The following CADM2 variants were observed in gnomAD, a reference collection of about 807,000 sequenced individuals.
CADM2 encodes cell adhesion molecule 2.
Under a neutral mutation model 49.8 loss-of-function variants are expected in CADM2, and 12 were observed. The ratio of observed to expected loss-of-function variants is 0.24; its 90% CI spans 0.15 to 0.39. The LOEUF is 0.39. CADM2 is among the 10% of genes least tolerant of loss of function. The pLI, the probability that CADM2 is intolerant of heterozygous loss-of-function variation, is 1.00. For missense variants in CADM2, 378 were observed against 492.3 expected, an observed-to-expected ratio of 0.77 and a Z score of 2.20; for synonymous variants, 214 against 175.4, an observed-to-expected ratio of 1.22 and a Z score of -1.74.
In CADM2 at chr3:85,295,637, G is replaced by A. The variant is rs56096812; in HGVS notation, c.61+335969G>A. ...TAAAAATGATGAGTTCATGTCCTTTGTAGGGACATGGATGAAATTGGAAAT... is the reference window on the plus strand; with the variant it reads ...TAAAAATGATGAGTTCATGTCCTTTATAGGGACATGGATGAAATTGGAAAT... On this transcript the variant is annotated intron_variant, in intron 1 of 9. Coordinates refer to ENST00000383699, the MANE Select transcript of CADM2 (RefSeq NM_001167675.2). Among the ~76,000 whole-genome samples, 714 of 152,208 alleles carry A rather than the reference G, an allele frequency of 4.7e-3. 4 individuals are homozygous for A. The highest frequency in any genetic ancestry group is 0.027 in the Middle Eastern group (8 of 294).
intron 8 of CADM2, among the ~76,000 whole-genome samples, chr3:86,021,957 C>T (rs1438393568): frequency 6.6e-6 from 1 of 152,004 alleles, no homozygotes; most frequent in South Asian, 2.1e-4. Context: ...GGGATTCATG[C>T]TAAATGAGTA....
intron 1 of CADM2, among the ~76,000 whole-genome samples, chr3:85,603,072 C>G (rs930417460): frequency 1.3e-5 from 2 of 151,800 alleles, no homozygotes; most frequent in Non-Finnish European, 2.9e-5. Context: ...GTGTTCATGT[C>G]CCTTTCTCTA....
intron 1 of CADM2, among the ~76,000 whole-genome samples, chr3:85,553,597 G>A (rs977150773): frequency 1.3e-5 from 2 of 152,118 alleles, no homozygotes; most frequent in African/African-American, 2.4e-5. Flanking sequence ...CTACAGAGCC[G>A]TGGTCCTCAA....
At chr3:85,656,609 C>A (rs969947689) in intron 1 of CADM2, among the ~76,000 whole-genome samples, 1 of 151,854 alleles carries the variant, frequency 6.6e-6, no homozygotes, top group Non-Finnish European at 1.5e-5. Flanking sequence ...GGGCGAGATT[C>A]CATCTCCAAA....
At chr3:85,882,516 T>C (rs923326936) in intron 3 of CADM2, among the ~76,000 whole-genome samples, 1 of 152,146 alleles carries the variant, frequency 6.6e-6, no homozygotes, top group Non-Finnish European at 1.5e-5. Flanking sequence ...CCTCACTCTT[T>C]CTACCTTTTA....
At chr3:85,293,511 T>C (rs1361438471) in intron 1 of CADM2, among the ~76,000 whole-genome samples, 1 of 135,240 alleles carries the variant, frequency 7.4e-6, no homozygotes, top group African/African-American at 2.9e-5. Flanking sequence ...ACCAATATCC[T>C]TGATGAACAT....
intron 1 of CADM2, among the ~76,000 whole-genome samples, chr3:85,131,997 A>G (rs112179882): frequency 0.015 from 2,280 of 152,276 alleles, 16 homozygotes; most frequent in Non-Finnish European, 0.024. Context: ...GATATAACCT[A>G]TGTCATATGT....
chr3:85,864,130 T>G (rs1280230940), intron 3 of CADM2, among the ~76,000 whole-genome samples: 1 of 152,204 alleles, frequency 6.6e-6, no homozygotes, highest in African/African-American at 2.4e-5. Flanking sequence ...TCCTTTTTCT[T>G]CCAAGTTTTA....
chr3:86,047,763 C>T (rs1177617548), intron 8 of CADM2, among the ~76,000 whole-genome samples: 1 of 152,206 alleles, frequency 6.6e-6, no homozygotes, highest in Middle Eastern at 3.4e-3. Context: ...GTAAAATTAA[C>T]CAAAACACCA....
At chr3:85,520,030 A>G (rs1422005942) in intron 1 of CADM2, among the ~76,000 whole-genome samples, 1 of 152,056 alleles carries the variant, frequency 6.6e-6, no homozygotes, top group African/African-American at 2.4e-5. Flanking sequence ...AAATCTACCA[A>G]CAGTACTATT....
At chr3:85,364,458 T>C (rs562210205) in intron 1 of CADM2, among the ~76,000 whole-genome samples, 1 of 152,122 alleles carries the variant, frequency 6.6e-6, no homozygotes, top group Non-Finnish European at 1.5e-5. Flanking sequence ...ACTATAGATA[T>C]CCATCAAAGT....
chr3:85,396,803 C>T lies in CADM2; in HGVS notation c.62-329719C>T, dbSNP rs567258199. Among the ~76,000 whole-genome samples, 3 of 151,990 alleles carry T rather than the reference C, an allele frequency of 2.0e-5. No homozygotes were observed. The East Asian group carries it at 5.8e-4, about 29-fold the overall frequency. ...AATACCTAAACAAAAGAGTTATAAG[C>T]TTAAAACTTTTAGAAGAAAATTTTC... On this transcript the variant is annotated intron_variant, in intron 1 of 9. Coordinates refer to ENST00000383699, the MANE Select transcript of CADM2 (RefSeq NM_001167675.2).
chr3:85,184,997 A>G (rs1296159997), intron 1 of CADM2, among the ~76,000 whole-genome samples: 2 of 152,114 alleles, frequency 1.3e-5, no homozygotes, highest in Non-Finnish European at 2.9e-5. Flanking sequence ...ACTTTGAAAC[A>G]TCCTTACAAA....
intron 2 of CADM2, among the ~76,000 whole-genome samples, chr3:85,776,097 A>G (rs1285723389): frequency 6.6e-6 from 1 of 151,866 alleles, no homozygotes; most frequent in Non-Finnish European, 1.5e-5. Context: ...AGAAATTTTC[A>G]TAGTAAAACC....
chr3:85,560,208 A>T (rs2062058795), intron 1 of CADM2, among the ~76,000 whole-genome samples: 1 of 152,186 alleles, frequency 6.6e-6, no homozygotes, highest in Non-Finnish European at 1.5e-5. Context: ...CTGGTGAACC[A>T]TGAGGGGATT....
At chr3:85,066,381 T>TAAA (rs11368552) in intron 1 of CADM2, among the ~76,000 whole-genome samples, 1 of 145,742 alleles carries the variant, frequency 6.9e-6, no homozygotes, top group Admixed American at 6.8e-5. Flanking sequence ...AATCAGCATT[T>TAAA]AAAAAAAAAA....
chr3:85,944,236 T>C (rs1265513300), intron 7 of CADM2, among the ~76,000 whole-genome samples: 3 of 152,066 alleles, frequency 2.0e-5, no homozygotes, highest in Admixed American at 1.3e-4. Context: ...CCTAAATATA[T>C]ATGCGCCCAA....
At chr3:85,773,784 C>A (rs573987766) in intron 2 of CADM2, among the ~76,000 whole-genome samples, 4 of 151,912 alleles carry the variant, frequency 2.6e-5, no homozygotes, top group Non-Finnish European at 4.4e-5. Context: ...CATTCCTGAT[C>A]CTCAGTATTA....
chr3:85,735,669 TAA>T (rs991770532), intron 2 of CADM2, among the ~76,000 whole-genome samples: 3 of 152,084 alleles, frequency 2.0e-5, no homozygotes, highest in Non-Finnish European at 4.4e-5. Flanking sequence ...GCACTGGAGG[TAA>T]AGTTATATCT....
Sources: allele counts gnomAD v4.1 joint callset (sites outside exome capture counted in the v4.1 genomes callset), GRCh38; gene constraint gnomAD v4.1.1; transcripts MANE v1.5; gene names NCBI Gene and HGNC (gene_info 2026-07-23, HGNC 2026-07-21).